DNAH6: variants seen among roughly 807,000 people sequenced by gnomAD.
The protein encoded by DNAH6 is dynein axonemal heavy chain 6, also known as axonemal beta dynein heavy chain 6.
Under a neutral mutation model 491.4 loss-of-function variants are expected in DNAH6, and 340 were observed. The observed-to-expected ratio is 0.69, with a 90% CI of 0.63 to 0.76. The LOEUF is 0.76. Among genes scored for constraint, DNAH6 ranks in the 30% least tolerant of loss-of-function variants. The pLI is 0.00. For synonymous variants in DNAH6, 1,603 were observed against 1,686.1 expected (o/e 0.95, Z 1.21); for missense variants, 4,443 against 4,972.2 (o/e 0.89, Z 3.20).
chr2:84,672,229 G>C (rs1253650375), intron 39 of DNAH6, 98 bp from the exon 40 acceptor site: 15 of 1,240,444 alleles, frequency 1.2e-5, no homozygotes, highest in Non-Finnish European at 1.6e-5. Flanking sequence ...TTTATGACCT[G>C]TAGGATGTCA....
chr2:84,647,688 A>G (rs1690031214), intron 33 of DNAH6, among the ~76,000 whole-genome samples: 1 of 152,184 alleles, frequency 6.6e-6, no homozygotes, highest in Non-Finnish European at 1.5e-5. Context: ...CCCCAAGAGT[A>G]CTCGCTGGCA....
At chr2:84,767,553 C>T (rs1420137871) in intron 64 of DNAH6, among the ~76,000 whole-genome samples, 1 of 151,668 alleles carries the variant, frequency 6.6e-6, no homozygotes, top group Admixed American at 6.6e-5. Flanking sequence ...TATAGATACA[C>T]ATATTTATAA....
At chr2:84,493,182 A>T in the DNAH6 span, among the ~76,000 whole-genome samples, 1 of 152,168 alleles carries the variant, frequency 6.6e-6, no homozygotes, top group Non-Finnish European at 1.5e-5. Flanking sequence ...TGACCCATAG[A>T]TTAGAGTTTG....
At chr2:84,594,788 C>G (rs1356020689) in intron 17 of DNAH6, among the ~76,000 whole-genome samples, 1 of 152,146 alleles carries the variant, frequency 6.6e-6, no homozygotes, top group Non-Finnish European at 1.5e-5. Context: ...AAAACAGTAA[C>G]ATGGGAAATA....
At chr2:84,637,071 T>C (rs1688953756) in intron 30 of DNAH6, 139 bp from the exon 31 acceptor site, 1 of 687,074 alleles carries the variant, frequency 1.5e-6, no homozygotes, top group Non-Finnish European at 2.3e-6. Flanking sequence ...ATCAGAAATG[T>C]TCCCTGTTGT....
intron 14 of DNAH6, among the ~76,000 whole-genome samples, chr2:84,581,311 G>C (rs1682998579): frequency 6.6e-6 from 1 of 152,188 alleles, no homozygotes; most frequent in Admixed American, 6.5e-5. Flanking sequence ...TTGGAAAGCA[G>C]CTTCCTTTAG....
At chr2:84,544,878 A>G (rs13398540) in intron 5 of DNAH6, among the ~76,000 whole-genome samples, 10,411 of 152,156 alleles carry the variant, frequency 0.068, 1,163 homozygotes, top group African/African-American at 0.24. Context: ...TTATAGTCCA[A>G]AATAAGTCAG....
chr2:84,570,356 G>A (rs1039556551), intron 11 of DNAH6, among the ~76,000 whole-genome samples: 7 of 151,614 alleles, frequency 4.6e-5, no homozygotes, highest in Non-Finnish European at 1.0e-4. Context: ...ACCAATCATT[G>A]CTCTGTGTCT....
intron 11 of DNAH6, among the ~76,000 whole-genome samples, chr2:84,570,568 T>G (rs965221384): frequency 2.6e-4 from 39 of 152,100 alleles, no homozygotes; most frequent in African/African-American, 9.4e-4. Flanking sequence ...TGTGTCTAGC[T>G]AAAGGATTAT....
chr2:84,468,981 G>A, the DNAH6 span, among the ~76,000 whole-genome samples: 4 of 152,116 alleles, frequency 2.6e-5, no homozygotes, highest in Non-Finnish European at 4.4e-5. Context: ...TTACTGACCA[G>A]CTTGTTGGGT....
intron 22 of DNAH6, among the ~76,000 whole-genome samples, chr2:84,613,144 A>AGTGT (rs57906545): frequency 0.02 from 3,036 of 149,632 alleles, 103 homozygotes; most frequent in African/African-American, 0.07. Flanking sequence ...AGAGAGAGAG[A>AGTGT]GTGTGTGTGT....
chr2:84,802,105 C>T (rs1283926031), intron 70 of DNAH6, among the ~76,000 whole-genome samples: 3 of 152,118 alleles, frequency 2.0e-5, no homozygotes, highest in East Asian at 1.9e-4. Context: ...ACCACAAAAT[C>T]ACACATAAGT....
chr2:84,747,162 T>C (rs894817428), intron 63 of DNAH6, among the ~76,000 whole-genome samples: 2 of 152,112 alleles, frequency 1.3e-5, no homozygotes, highest in African/African-American at 4.8e-5. Flanking sequence ...TATTACAAAA[T>C]ACAATCATGC....
chr2:84,593,866 C>A, intron 16 of DNAH6, 106 bp from the exon 17 acceptor site: 1 of 497,276 alleles, frequency 2.0e-6, no homozygotes, highest in Non-Finnish European at 3.4e-6. Context: ...TTAGGATGCA[C>A]ATTCTTCCAA....
At chr2:84,808,061 TG>T (rs35645026) in intron 71 of DNAH6, among the ~76,000 whole-genome samples, 1 of 151,562 alleles carries the variant, frequency 6.6e-6, no homozygotes, top group Non-Finnish European at 1.5e-5. Context: ...AAAATACCCA[TG>T]GGGAACATGC....
At chr2:84,549,756 G>A in intron 8 of DNAH6, 133 bp from the exon 9 acceptor site, 1 of 658,888 alleles carries the variant, frequency 1.5e-6, no homozygotes, top group Non-Finnish European at 2.5e-6. Context: ...TTCTGATATT[G>A]TAATATAATT....
At chr2:84,601,945 T>C (rs1402009377) in intron 18 of DNAH6, among the ~76,000 whole-genome samples, 4 of 152,048 alleles carry the variant, frequency 2.6e-5, no homozygotes, top group African/African-American at 4.8e-5. Context: ...TATAGATTTA[T>C]AATTAATCCA....
intron 3 of DNAH6, among the ~76,000 whole-genome samples, chr2:84,528,672 C>T (rs1315978228): frequency 6.6e-6 from 1 of 152,058 alleles, no homozygotes; most frequent in African/African-American, 2.4e-5. Context: ...GCAATGGAAG[C>T]TGAAACTGGG....
chr2:84,639,456 T>A (rs1465071454), intron 31 of DNAH6, among the ~76,000 whole-genome samples: 1 of 150,030 alleles, frequency 6.7e-6, no homozygotes, highest in Non-Finnish European at 1.5e-5. Flanking sequence ...TCTGGCTCTG[T>A]CACCCAGGCT....
Sources: gnomAD v4.1 joint callset for allele counts (sites outside exome capture counted in the v4.1 genomes callset) on GRCh38, gnomAD v4.1.1 for gene constraint, MANE v1.5 for transcripts, NCBI Gene and HGNC (gene_info 2026-07-23, HGNC 2026-07-21) for gene names.